GLIS3: variants seen among roughly 807,000 people sequenced by gnomAD.
The protein encoded by GLIS3 is zinc finger protein GLIS3.
In GLIS3, 53 loss-of-function variants were observed where a neutral mutation model predicts 78.6. The ratio of observed to expected loss-of-function variants is 0.67; its 90% CI spans 0.54 to 0.85. GLIS3 has a LOEUF of 0.85. Ranked by LOEUF, GLIS3 falls within the 40% of genes least tolerant of loss-of-function variation. The probability of loss-of-function intolerance (pLI) is 0.00; values close to 1 mark genes in which losing one functional copy is unlikely to be tolerated. For synonymous variants in GLIS3, 684 were observed against 509.9 expected (o/e 1.34, Z -4.60); for missense variants, 1,703 against 1,231.1 (o/e 1.38, Z -5.74).
At chr9:3,984,007 G>T (rs1047814679) in intron 4 of GLIS3, among the ~76,000 whole-genome samples, 1 of 152,260 alleles carries the variant, frequency 6.6e-6, no homozygotes, top group African/African-American at 2.4e-5. Context: ...CTTCATGGCA[G>T]CTTCTCCTAT....
At chr9:4,421,226 C>A in the GLIS3 span, among the ~76,000 whole-genome samples, 1 of 152,164 alleles carries the variant, frequency 6.6e-6, no homozygotes, top group Non-Finnish European at 1.5e-5. Flanking sequence ...GACCAGCTTA[C>A]TAGTGAGCCT....
At chr9:3,832,957 C>T (rs545650913) in intron 9 of GLIS3, among the ~76,000 whole-genome samples, 27 of 152,314 alleles carry the variant, frequency 1.8e-4, no homozygotes, top group African/African-American at 6.3e-4. Context: ...TATCTTCTCT[C>T]ATTTTACTAA....
chr9:4,232,050 G>A (rs1238951539), intron 2 of GLIS3, among the ~76,000 whole-genome samples: 9 of 152,064 alleles, frequency 5.9e-5, no homozygotes, highest in African/African-American at 1.9e-4. Flanking sequence ...ATTTTAACTT[G>A]CTGTTTTACA....
intron 2 of GLIS3, among the ~76,000 whole-genome samples, chr9:4,129,860 G>T (rs1832841939): frequency 1.3e-5 from 2 of 152,136 alleles, no homozygotes; most frequent in Admixed American, 6.5e-5. Context: ...AAGACAGGAA[G>T]ATGTGGAAAA....
chr9:3,922,748 A>T (rs1206974193), intron 6 of GLIS3, among the ~76,000 whole-genome samples: 6 of 152,226 alleles, frequency 3.9e-5, no homozygotes, highest in African/African-American at 1.4e-4. Flanking sequence ...GCTTTGAAAA[A>T]ATATAAAGAG....
chr9:4,320,969 T>C lies in GLIS3; in HGVS notation n.265-10441A>G, dbSNP rs563488371. On this transcript the variant is annotated intron_variant and non_coding_transcript_variant, in intron 2 of 4. Coordinates refer to the GLIS3 transcript ENST00000471664. ...TCAATGGCTCCCACAGCTCTCGAGA[T>C]ACAAAGAACGTTGCTTGAGAAGGCT... Among the ~76,000 whole-genome samples the C allele has an allele frequency of 1.1e-4, 16 of 152,062 alleles. No homozygotes were observed. The South Asian group carries it at 3.1e-3, about 30-fold the overall frequency.
intron 6 of GLIS3, among the ~76,000 whole-genome samples, chr9:3,905,164 C>CTTTTTTTTTTTTTTTTTTTTTTTT (rs1563834122): frequency 7.5e-6 from 1 of 133,356 alleles, no homozygotes. Flanking sequence ...TTTTTTTTTG[C>CTTTTTTTTTTTTTTTTTTTTTTTT]TATTTTTAGT....
intron 4 of GLIS3, among the ~76,000 whole-genome samples, chr9:4,059,626 T>G (rs1443969640): frequency 2.6e-5 from 4 of 152,216 alleles, no homozygotes; most frequent in Non-Finnish European, 4.4e-5. Context: ...GCTTTGTGGT[T>G]GGAGATCCTT....
At chr9:4,114,999 G>A (rs1831524907) in intron 4 of GLIS3, among the ~76,000 whole-genome samples, 2 of 152,198 alleles carry the variant, frequency 1.3e-5, no homozygotes, top group Admixed American at 6.5e-5. Context: ...CTGAGAATGC[G>A]TTCTCTCATG....
the GLIS3 span, among the ~76,000 whole-genome samples, chr9:4,404,330 C>G: frequency 0.015 from 2,268 of 152,152 alleles, 69 homozygotes; most frequent in African/African-American, 0.052. Flanking sequence ...AGGAAATCAA[C>G]AAATAAACAT....
At position 4,286,286 on chromosome 9, in the gene GLIS3, G is replaced by C. The variant is rs757118860; in HGVS notation, c.140C>G (p.Ser47Trp). The C allele has an allele frequency of 1.9e-6, 3 of 1,614,246 alleles. No homozygotes were observed. In the South Asian group the frequency reaches 3.3e-5, roughly 18 times the overall value. ...TPGPSPCGST[S>W]SPTMASLANN... is the part of the protein sequence containing the mutation. Reference sequence around the variant, plus strand: ...AGCAAGGCTTGCCATAGTGGGACTCGATGTGCTGCCACAGGGCGAGGGGCC... The same window carrying C: ...AGCAAGGCTTGCCATAGTGGGACTCCATGTGCTGCCACAGGGCGAGGGGCC... Residue 47 changes from serine to tryptophan, a missense_variant, in exon 2 of 11, where the codon TCG becomes TGG. Coordinates refer to ENST00000381971, the MANE Select transcript of GLIS3 (RefSeq NM_001042413.2).
the GLIS3 span, among the ~76,000 whole-genome samples, chr9:4,353,703 C>T: frequency 6.6e-6 from 1 of 152,310 alleles, no homozygotes; most frequent in East Asian, 1.9e-4. Context: ...CTCCCCTAAA[C>T]CACACAGCAG....
the GLIS3 span, among the ~76,000 whole-genome samples, chr9:4,408,646 G>A: frequency 8.7e-5 from 12 of 137,878 alleles, no homozygotes; most frequent in African/African-American, 3.1e-4. Context: ...AGAATGGCGT[G>A]AACCCGGGAG....
intron 2 of GLIS3, among the ~76,000 whole-genome samples, chr9:4,133,419 G>A (rs1282020684): frequency 6.6e-6 from 1 of 152,146 alleles, no homozygotes; most frequent in African/African-American, 2.4e-5. Flanking sequence ...ACTAGGGTTG[G>A]GATATCACTC....
chr9:4,091,265 T>A (rs1224753768), intron 4 of GLIS3, among the ~76,000 whole-genome samples: 1 of 151,544 alleles, frequency 6.6e-6, no homozygotes, highest in Non-Finnish European at 1.5e-5. Context: ...TACTTGGGGG[T>A]CTGAGGTGGG....
chr9:4,366,659 C>T, the GLIS3 span, among the ~76,000 whole-genome samples: 290 of 152,320 alleles, frequency 1.9e-3, no homozygotes, highest in African/African-American at 6.6e-3. Context: ...CAAGTGATTG[C>T]GATGGCGACG....
At chr9:4,212,369 T>G (rs570777271) in intron 2 of GLIS3, among the ~76,000 whole-genome samples, 2 of 152,288 alleles carry the variant, frequency 1.3e-5, no homozygotes, top group African/African-American at 4.8e-5. Context: ...CGAAACCCAT[T>G]CATTCATTAA....
chr9:4,218,470 G>C (rs921189510), intron 2 of GLIS3, among the ~76,000 whole-genome samples: 1 of 152,176 alleles, frequency 6.6e-6, no homozygotes, highest in Non-Finnish European at 1.5e-5. Flanking sequence ...AGTAAAGACG[G>C]GGTTTCACTG....
rs1195282840 is a variant in GLIS3 at position 4,309,081 on chromosome 9, A to G, written n.393-113T>C. 2.6e-5 allele frequency: 4 copies of G among 152,360 alleles called. No homozygotes were observed. The East Asian group carries it at 5.8e-4, about 22-fold the overall frequency. 9.4% of individuals were successfully genotyped at this position (152,360 alleles called of 1,614,324 possible). ...GTGGCTACCACACATAATGTATGAT[A>G]AAAGCATTTTTTAAGATAAAACAGA... On this transcript the variant is annotated intron_variant and non_coding_transcript_variant, in intron 3 of 4. Transcript: ENST00000471664.
Sources: allele counts gnomAD v4.1 joint callset (sites outside exome capture counted in the v4.1 genomes callset), GRCh38; gene constraint gnomAD v4.1.1; transcripts MANE v1.5; gene names NCBI Gene and HGNC (gene_info 2026-07-23, HGNC 2026-07-21).